CAPN12: variants seen among roughly 807,000 people sequenced by gnomAD.
The protein encoded by CAPN12 is calpain 12, also known as calpain-12.
Under a neutral mutation model 95.0 loss-of-function variants are expected in CAPN12, and 107 were observed. The observed-to-expected ratio is 1.13, with a 90% CI of 0.96 to 1.32. CAPN12 has a LOEUF of 1.32. Among genes scored for constraint, CAPN12 ranks in the 40% most tolerant of loss-of-function variants. CAPN12 has a pLI of 0.00. For missense variants in CAPN12, 1,136 were observed against 997.8 expected (o/e 1.14, Z -1.87); for synonymous variants, 505 against 415.5 (o/e 1.22, Z -2.62).
Position 38,734,317 on chromosome 19 carries a change from A to AC in CAPN12, c.1815+1dup. ...CTCACCCAGGCACTGCCCCCCATGT[A>AC]CCCCGAAACACTGCAGCAGCTGCTC... On this transcript the variant is annotated splice_donor_variant, in intron 16 of 20. Coordinates refer to ENST00000328867, the MANE Select transcript of CAPN12 (RefSeq NM_144691.4). LOFTEE classifies it high-confidence loss of function. 1 of 1,605,812 alleles carries AC rather than the reference A, an allele frequency of 6.2e-7. No individual in the cohort carries two copies. The highest frequency in any genetic ancestry group is 2.2e-5 in the East Asian group (1 of 44,718).
At chr19:38,734,066 T>C (rs914920480) in intron 17 of CAPN12, 76 bp downstream of exon 17, 17 of 1,519,616 alleles carry the variant, frequency 1.1e-5, no homozygotes, top group Middle Eastern at 1.7e-4. Context: ...GGGGACCTGA[T>C]AGCCCACAGG....
Position 38,738,605 on chromosome 19 carries a change from C to G in CAPN12, c.773G>C (p.Gly258Ala). 1 of 1,614,056 alleles carries G rather than the reference C, an allele frequency of 6.2e-7. No homozygotes were observed. Residue 258 changes from glycine (G) to alanine (A), a missense_variant, in exon 6 of 21, where the codon GGA (glycine) becomes GCA (alanine). Gly to Ala is a moderately conservative substitution (Grantham distance 60). Coordinates refer to ENST00000328867, the MANE Select transcript of CAPN12 (RefSeq NM_144691.4). ...TGTGCCCGTGATGGAATACGCGTGTCCCTTTACCAGGCCCTCTTCTGTGCG... is the reference window on the plus strand; with the variant it reads ...TGTGCCCGTGATGGAATACGCGTGTGCCTTTACCAGGCCCTCTTCTGTGCG... ...EYRTEEGLVK[G>A]HAYSITGTHK...
intron 2 of CAPN12, 57 bp downstream of exon 2, chr19:38,742,976 A>G: frequency 6.4e-7 from 1 of 1,560,276 alleles, no homozygotes; most frequent in Non-Finnish European, 8.8e-7. Context: ...TGGAGCTGTC[A>G]GGATCTCAGC....
intron 18 of CAPN12, chr19:38,731,651 T>C (rs1969624208): frequency 4.5e-6 from 1 of 222,528 alleles, no homozygotes; most frequent in Admixed American, 4.9e-5. Context: ...ATGTCTGCTG[T>C]GGAGTCTCAT....
rs761194008 is a variant in CAPN12, at chr19:38,734,764, G to A, written c.1744+49C>T. 9.5e-6 allele frequency: 15 copies of A among 1,572,270 alleles called. No homozygotes were observed. In the East Asian group the frequency reaches 1.6e-4, roughly 17 times the overall value. On this transcript the variant is annotated intron_variant, in intron 15 of 20. Coordinates refer to ENST00000328867, the MANE Select transcript of CAPN12 (RefSeq NM_144691.4). ...TAGGGTGGCACCGGCTCTGGTTGCA[G>A]GACCCCTGGCTAAGACCCCTCCTCC... is the stretch of plus-strand genomic sequence containing the variant.
At chr19:38,732,493 G>A (rs538067500) in intron 18 of CAPN12, among the ~76,000 whole-genome samples, 3 of 152,280 alleles carry the variant, frequency 2.0e-5, no homozygotes, top group Admixed American at 1.3e-4. Context: ...CACCACGCCT[G>A]GCTAATTTTT....
At chr19:38,739,504 C>T (rs1392959722) in intron 5 of CAPN12, 1 of 125,156 alleles carries the variant, frequency 8.0e-6, no homozygotes, top group Non-Finnish European at 1.7e-5. Context: ...GAGACAGAGA[C>T]AAAGAAAGAT....
At chr19:38,734,714 C>T in intron 15 of CAPN12, 99 bp downstream of exon 15, 1 of 1,137,458 alleles carries the variant, frequency 8.8e-7, no homozygotes, top group Non-Finnish European at 1.3e-6. Context: ...GCCCAACTCC[C>T]AGCAGCGCGG....
chr19:38,736,833 G>A (rs1033289921), intron 10 of CAPN12: 6 of 572,590 alleles, frequency 1.0e-5, no homozygotes, highest in African/African-American at 7.9e-5. Context: ...CCCTAACCTC[G>A]TCCCTCTGTC....
Position 38,740,168 on chromosome 19 carries a change from AAAAGCCTCATTC to A in CAPN12, c.600_611del (p.Met200_Phe204delinsIle). 1 of 1,613,250 alleles carries A rather than the reference AAAAGCCTCATTC, an allele frequency of 6.2e-7. No homozygotes were observed. The highest frequency in any genetic ancestry group is 8.5e-7 in the Non-Finnish European group (1 of 1,179,636). ...CGCCCACGCCGCCTGTGAAATCCACAAAAGCCTCATTCATGTGGCCGCCCCGCATCACCTCAT... is the reference window on the plus strand; with the variant it reads ...CGCCCACGCCGCCTGTGAAATCCACAATGTGGCCGCCCCGCATCACCTCAT... On this transcript the variant is annotated inframe_deletion, in exon 5 of 21. Transcript: ENST00000328867.
chr19:38,741,866 C>T lies in CAPN12; in HGVS notation c.471G>A (p.Arg157=), dbSNP rs1173751878. Residue 157 remains arginine (R), a synonymous_variant, in exon 4 of 21, where the codon AGG becomes AGA. Coordinates refer to ENST00000328867, the MANE Select transcript of CAPN12 (RefSeq NM_144691.4). Reference sequence around the variant, plus strand: ...TCAGCTTCCCCTCACGCACGGGCAGCCTGTCATCCACCACGACGTCCATCC... The same window carrying T: ...TCAGCTTCCCCTCACGCACGGGCAGTCTGTCATCCACCACGACGTCCATCC... ...GRWMDVVVDD[R]LPVREGKLMF... is the part of the protein sequence containing the mutation. 2 of 1,614,076 alleles carry T rather than the reference C, an allele frequency of 1.2e-6. No individual in the cohort carries two copies. The highest frequency in any genetic ancestry group is 2.7e-5 in the African/African-American group (2 of 75,056).
intron 11 of CAPN12, 27 bp from the exon 12 acceptor site, chr19:38,736,345 AC>A (rs1472757216): frequency 5.5e-6 from 8 of 1,459,998 alleles, no homozygotes; most frequent in Non-Finnish European, 7.3e-6. Flanking sequence ...ATGACCACGG[AC>A]CAGGCTCACC....
chr19:38,733,868 C>T (rs555930147), intron 17 of CAPN12, 87 bp from the exon 18 acceptor site: 3 of 1,131,514 alleles, frequency 2.7e-6, no homozygotes, highest in Non-Finnish European at 3.9e-6. Context: ...GCCTGGTGCC[C>T]ATCCCAACTC....
At chr19:38,733,588 G>T in intron 18 of CAPN12, 115 bp downstream of exon 18, 1 of 903,910 alleles carries the variant, frequency 1.1e-6, no homozygotes, top group Non-Finnish European at 1.8e-6. Flanking sequence ...GCTAAGGTGT[G>T]GGCCTGTGGA....
In CAPN12 at chr19:38,743,026, G is replaced by A; in HGVS notation, c.307+7C>T. 2 of 1,613,918 alleles carry A rather than the reference G, an allele frequency of 1.2e-6. No individual in the cohort carries two copies. The highest frequency in any genetic ancestry group is 1.7e-6 in the Non-Finnish European group (2 of 1,179,926). On this transcript the variant is annotated splice_region_variant and intron_variant, in intron 2 of 20. Transcript: ENST00000328867. ...TCTGAGGACTCCAGGTGGGTTCAGG[G>A]TCTCACCCAGGCTCCCCTGACACAC...
At chr19:38,742,110 G>A (rs771946573) in intron 3 of CAPN12, 200 bp from the exon 4 acceptor site, 1 of 703,226 alleles carries the variant, frequency 1.4e-6, no homozygotes. Flanking sequence ...TGGATCACGA[G>A]GTCAGGAATT....
chr19:38,736,736 C>T, intron 10 of CAPN12, 173 bp from the exon 11 acceptor site: 2 of 783,014 alleles, frequency 2.6e-6, no homozygotes, highest in Non-Finnish European at 4.0e-6. Flanking sequence ...GACCCCTCCC[C>T]AACTCTTCCT....
At position 38,736,095 on chromosome 19, in the gene CAPN12, G is replaced by A. The variant is rs745515439; in HGVS notation, c.1583+15C>T. On this transcript the variant is annotated intron_variant, in intron 12 of 20. Coordinates refer to ENST00000328867, the MANE Select transcript of CAPN12 (RefSeq NM_144691.4). ...TAGGCAGGGATGGGGTCGGATTTGG[G>A]TGCCCGGGGCTCACACGGCCGTGTG... 1.5e-5 allele frequency: 23 copies of A among 1,484,564 alleles called. No individual in the cohort carries two copies. The highest frequency in any genetic ancestry group is 1.6e-5 in the Non-Finnish European group (18 of 1,120,236). The allele number at this position is 1,484,564 out of a possible 1,614,324, so 92.0% of individuals were successfully genotyped here.
intron 6 of CAPN12, 34 bp downstream of exon 6, chr19:38,738,540 A>T (rs772052721): frequency 1.9e-6 from 3 of 1,613,806 alleles, no homozygotes; most frequent in Admixed American, 1.7e-5. Context: ...ATGCCTGGAC[A>T]TGGCCTGCCA....
Sources: allele counts gnomAD v4.1 joint callset (sites outside exome capture counted in the v4.1 genomes callset), GRCh38; gene constraint gnomAD v4.1.1; transcripts MANE v1.5; gene names NCBI Gene and HGNC (gene_info 2026-07-23, HGNC 2026-07-21).